The following EP400 variants were observed in gnomAD, a reference collection of about 807,000 sequenced individuals.
EP400 encodes the protein E1A-binding protein p400.
In EP400, 105 loss-of-function variants were observed where a neutral mutation model predicts 354.1. The ratio of observed to expected loss-of-function variants is 0.30; its 90% CI spans 0.25 to 0.35. The LOEUF is 0.35. Ranked by LOEUF, EP400 falls within the 10% of genes least tolerant of loss-of-function variation. EP400 has a pLI of 1.00. For synonymous variants in EP400, 1,646 were observed against 1,716.9 expected, an observed-to-expected ratio of 0.96 and a Z score of 1.02; for missense variants, 3,280 against 4,121.0, an observed-to-expected ratio of 0.80 and a Z score of 5.59.
intron 30 of EP400, among the ~76,000 whole-genome samples, chr12:132,036,045 C>T (rs986909591): frequency 2.0e-5 from 3 of 151,870 alleles, no homozygotes; most frequent in Admixed American, 6.5e-5. Context: ...AGCACACACC[C>T]AGGTTCACAC....
At chr12:132,056,139 C>T (rs1221821781) in intron 45 of EP400, among the ~76,000 whole-genome samples, 1 of 152,004 alleles carries the variant, frequency 6.6e-6, no homozygotes, top group African/African-American at 2.4e-5. Flanking sequence ...GGTGTTTCAT[C>T]ATCAGAACCA....
chr12:131,992,239 C>T lies in EP400; in HGVS notation c.2737+9C>T, dbSNP rs75100179. 2.2e-3 allele frequency: 3,569 copies of T among 1,607,992 alleles called. 40 individuals carry two copies. The highest frequency in any genetic ancestry group is 1.3e-3 in the Non-Finnish European group (1,558 of 1,178,616). ...TTTGACTGATGACGAAGGTCTGTTCCCCCTCAGCACTATCTTTGTCATCTC... is the reference window on the plus strand; with the variant it reads ...TTTGACTGATGACGAAGGTCTGTTCTCCCTCAGCACTATCTTTGTCATCTC... On this transcript the variant is annotated intron_variant, in intron 11 of 52. Coordinates refer to ENST00000389561, the MANE Select transcript of EP400 (RefSeq NM_015409.5).
At chr12:132,076,483 A>G (rs1896243530) in intron 51 of EP400, 33 bp from the exon 52 acceptor site, 1 of 1,607,408 alleles carries the variant, frequency 6.2e-7, no homozygotes, top group East Asian at 2.2e-5. Context: ...ACTCCTTTGA[A>G]TTGTATGTTT....
In EP400 at chr12:132,006,365, A is replaced by G. The variant is rs557584820; in HGVS notation, c.3126+63A>G. 3.1e-5 allele frequency: 48 copies of G among 1,541,308 alleles called. 2 individuals are homozygous for G. In the South Asian group the frequency reaches 4.1e-4, roughly 13 times the overall value. Reference sequence around the variant, plus strand: ...GAGAGACAGAGCACATAGCTTAGCCATGAGAAAAGCTTTTCCTCTTCCCAG... The same window carrying G: ...GAGAGACAGAGCACATAGCTTAGCCGTGAGAAAAGCTTTTCCTCTTCCCAG... On this transcript the variant is annotated intron_variant, in intron 14 of 52. Transcript: ENST00000389561.
intron 7 of EP400, among the ~76,000 whole-genome samples, chr12:131,988,521 C>A (rs563860125): frequency 6.6e-6 from 1 of 152,230 alleles, no homozygotes; most frequent in Non-Finnish European, 1.5e-5. Context: ...CCTGGCCACA[C>A]GGCCTCCTGC....
At chr12:131,966,562 CA>C (rs534384776) in intron 2 of EP400, among the ~76,000 whole-genome samples, 7,111 of 57,318 alleles carry the variant, frequency 0.12, 409 homozygotes, top group African/African-American at 0.29. Context: ...TACCCTACCT[CA>C]AAAAAAAAAA....
rs764000583 is a variant in EP400, at chr12:132,053,301, G to A, written c.7474-42G>A. 8 of 1,602,830 alleles carry A rather than the reference G, an allele frequency of 5.0e-6. No homozygotes were observed. In the African/African-American group the frequency reaches 8.0e-5, roughly 16 times the overall value. The stretch of plus-strand genomic sequence containing the variant: ...TTCATCCAGGGGGTATGCAGGCCGA[G>A]TCTGCCCCTCCAGTGGCTCCTCTTC... On this transcript the variant is annotated intron_variant, in intron 42 of 52. Coordinates refer to ENST00000389561, the MANE Select transcript of EP400 (RefSeq NM_015409.5).
At position 132,052,128 on chromosome 12, in the gene EP400, T is replaced by A. The variant is rs1434054250; in HGVS notation, c.7395-1018T>A. 1.3e-5 allele frequency among the ~76,000 whole-genome samples: 2 copies of A among 152,260 alleles called. No individual in the cohort carries two copies. The highest frequency in any genetic ancestry group is 2.9e-5 in the Non-Finnish European group (2 of 68,040). On this transcript the variant is annotated intron_variant, in intron 41 of 52. Coordinates refer to ENST00000389561, the MANE Select transcript of EP400 (RefSeq NM_015409.5). The surrounding 1 kb of genome is among the most constrained non-coding windows in gnomAD (Gnocchi z 4.4). ...ATTGCTACCAACTAATGATTAATGA[T>A]ATTCATAGATAATCATATCTAAGAT...
intron 16 of EP400, 134 bp downstream of exon 16, chr12:132,011,768 CT>C: frequency 4.3e-6 from 5 of 1,173,178 alleles, no homozygotes; most frequent in Non-Finnish European, 4.7e-6. Context: ...GTTAACAGAC[CT>C]TTATGTTGTT....
intron 46 of EP400, 49 bp downstream of exon 46, chr12:132,062,372 T>C (rs1424690765): frequency 1.9e-6 from 3 of 1,611,042 alleles, no homozygotes; most frequent in Non-Finnish European, 8.5e-7. Context: ...CTCTGGCGCG[T>C]GTGAGGGCTC....
At chr12:132,031,819 T>C in intron 29 of EP400, 134 bp from the exon 30 acceptor site, 1 of 830,898 alleles carries the variant, frequency 1.2e-6, no homozygotes, top group Non-Finnish European at 1.9e-6. Context: ...CCTCCCAAAG[T>C]GCTGGGATTA....
chr12:132,044,709 C>T lies in EP400; in HGVS notation c.6624C>T (p.Val2208=). The part of the protein sequence containing the change: ...VYEDVDGQTE[V]MPLWTPPTPP... ...AAGATGTCGATGGGCAGACAGAAGTCATGCCGGTGAGTGCTGCCCTCTCCC... is the reference window on the plus strand; with the variant it reads ...AAGATGTCGATGGGCAGACAGAAGTTATGCCGGTGAGTGCTGCCCTCTCCC... Residue 2208 remains valine, a synonymous_variant, in exon 36 of 53, where the codon GTC becomes GTT. Transcript: ENST00000389561. The T allele has an allele frequency of 6.2e-7, 1 of 1,614,216 alleles. No individual in the cohort carries two copies. The highest frequency in any genetic ancestry group is 8.5e-7 in the Non-Finnish European group (1 of 1,180,052).
chr12:132,024,043 C>A, intron 24 of EP400, 102 bp downstream of exon 24: 1 of 1,283,894 alleles, frequency 7.8e-7, no homozygotes, highest in East Asian at 2.8e-5. Flanking sequence ...AAGTGTCAGG[C>A]TTTTCCCTGT....
chr12:131,975,688 T>C (rs2136483794), intron 2 of EP400, among the ~76,000 whole-genome samples: 1 of 151,926 alleles, frequency 6.6e-6, no homozygotes, highest in South Asian at 2.1e-4. Context: ...GCTTCCCAAG[T>C]AGCTGGGAGT....
intron 7 of EP400, 117 bp downstream of exon 7, chr12:131,988,007 T>A (rs927592510): frequency 1.1e-6 from 1 of 869,796 alleles, no homozygotes; most frequent in Non-Finnish European, 1.6e-6. Context: ...TTTTTTTTTT[T>A]TCCCCCAGAC....
At chr12:131,995,811 TC>T (rs1398757785) in intron 12 of EP400, among the ~76,000 whole-genome samples, 1 of 145,396 alleles carries the variant, frequency 6.9e-6, no homozygotes, top group African/African-American at 2.7e-5. Flanking sequence ...TGTGAACGAA[TC>T]CCACCGCAGC....
At position 132,064,709 on chromosome 12, in the gene EP400, C is replaced by G; in HGVS notation, c.8376C>G (p.Pro2792=). ...IKMQKQKLQM[P]PQPPPPQAQS... is the part of the protein sequence containing the mutation. ...TGCAGAAGCAGAAACTGCAGATGCC[C>G]CCGCAGCCCCCACCGCCACAGGCCC... is the stretch of plus-strand genomic sequence containing the variant. The change falls in exon 48 of 53, where the codon CCC becomes CCG. Residue 2792 remains proline, a synonymous_variant. Transcript: ENST00000389561. The G allele has an allele frequency of 1.2e-6, 2 of 1,613,502 alleles. No individual in the cohort carries two copies. The highest frequency in any genetic ancestry group is 1.7e-6 in the Non-Finnish European group (2 of 1,179,612).
In EP400 at chr12:132,029,930, G is replaced by T; in HGVS notation, c.5584+27G>T. ...TATGCGGCAGTTGGGGGCGTGGCCC[G>T]TGCGGGAGCTGCACCGGCCCTGGAT... On this transcript the variant is annotated intron_variant, in intron 28 of 52. Transcript: ENST00000389561. The surrounding 1 kb of genome is among the most constrained non-coding windows in gnomAD (Gnocchi z 4.7). 2 of 1,611,254 alleles carry T rather than the reference G, an allele frequency of 1.2e-6. No individual in the cohort carries two copies. The highest frequency in any genetic ancestry group is 1.7e-6 in the Non-Finnish European group (2 of 1,179,424).
At chr12:132,055,318 G>T in intron 45 of EP400, 110 bp downstream of exon 45, 1 of 920,784 alleles carries the variant, frequency 1.1e-6, no homozygotes, top group Non-Finnish European at 1.6e-6. Context: ...GTGAAAAACT[G>T]TCTAGTTTGA....
Sources: gnomAD v4.1 joint callset for allele counts (sites outside exome capture counted in the v4.1 genomes callset) on GRCh38, gnomAD v4.1.1 for gene constraint, Gnocchi (gnomAD v3.1) non-coding constraint, MANE v1.5 for transcripts, NCBI Gene and HGNC (gene_info 2026-07-23, HGNC 2026-07-21) for gene names.